Variants in POLD3 observed in about 807,000 individuals in gnomAD.
POLD3 encodes the protein DNA polymerase delta subunit 3.
A neutral mutation model predicts 58.2 loss-of-function variants in POLD3; 19 were observed. The observed-to-expected ratio is 0.33, with a 90% CI of 0.23 to 0.48. POLD3 has a LOEUF of 0.48. POLD3 is among the 20% of genes least tolerant of loss of function. POLD3 has a pLI of 0.99. For synonymous variants in POLD3, 172 were observed against 193.5 expected (o/e 0.89, Z 0.92); for missense variants, 504 against 545.5 (o/e 0.92, Z 0.76).
intron 8 of POLD3, among the ~76,000 whole-genome samples, chr11:74,625,982 A>G (rs1198778581): frequency 6.6e-6 from 1 of 151,730 alleles, no homozygotes; most frequent in Non-Finnish European, 1.5e-5. Context: ...TTTTCTTTTT[A>G]TATCAATGAG....
chr11:74,635,841 A>C (rs1162856492), intron 10 of POLD3, among the ~76,000 whole-genome samples: 1 of 152,192 alleles, frequency 6.6e-6, no homozygotes. Flanking sequence ...ACTGTATTGC[A>C]GTGGTCTGCT....
At chr11:74,649,643 T>A (rs2135192523) in intron 4 of POLD3, among the ~76,000 whole-genome samples, 1 of 152,308 alleles carries the variant, frequency 6.6e-6, no homozygotes, top group African/African-American at 2.4e-5. Context: ...CTTAGAATTG[T>A]GCATAGTTCA....
intron 4 of POLD3, among the ~76,000 whole-genome samples, chr11:74,662,841 A>G (rs1208501044): frequency 6.6e-6 from 1 of 152,150 alleles, no homozygotes; most frequent in African/African-American, 2.4e-5. Flanking sequence ...AGGCTTCCCT[A>G]AACTCAGGTT....
chr11:74,627,533 A>G (rs78774289), intron 8 of POLD3, among the ~76,000 whole-genome samples: 1,675 of 152,286 alleles, frequency 0.011, 7 homozygotes, highest in Middle Eastern at 0.034. Flanking sequence ...ACAGTAGTGT[A>G]CAGTAACATC....
chr11:74,617,127 A>C (rs1334009998), intron 5 of POLD3, among the ~76,000 whole-genome samples: 1 of 148,380 alleles, frequency 6.7e-6, no homozygotes, highest in African/African-American at 2.5e-5. Flanking sequence ...ACTTTGCTTT[A>C]AGTACAATCC....
At chr11:74,654,641 G>T (rs2033110347) in intron 4 of POLD3, among the ~76,000 whole-genome samples, 1 of 152,122 alleles carries the variant, frequency 6.6e-6, no homozygotes, top group Non-Finnish European at 1.5e-5. Context: ...TTTTAACCTG[G>T]GGCTGCTTCC....
chr11:74,593,623 A>G (rs1403049969), intron 1 of POLD3, among the ~76,000 whole-genome samples: 1 of 152,146 alleles, frequency 6.6e-6, no homozygotes, highest in Non-Finnish European at 1.5e-5. Context: ...TGACCCCTGC[A>G]CCACCTGTGC....
At chr11:74,652,591 A>C (rs575260835) in intron 4 of POLD3, 1 of 152,384 alleles carries the variant, frequency 6.6e-6, no homozygotes, top group East Asian at 1.9e-4. Context: ...GATAGTGCCC[A>C]AAGGAGGCAG....
Position 74,642,867 on chromosome 11 carries a change from G to A in POLD3, c.*2101G>A, listed in dbSNP as rs1488288017. ...CATACCCACAGTCTGAGATGAACAA[G>A]TTATTTGCTGCCTTCATCGTTTTTT... On this transcript the variant is annotated 3_prime_UTR_variant, in exon 12 of 12. Transcript: ENST00000263681. 1 of 985,014 alleles carries A rather than the reference G, an allele frequency of 1.0e-6. No homozygotes were observed. The highest frequency in any genetic ancestry group is 1.1e-4 in the East Asian group (1 of 8,818). 61.0% of individuals were successfully genotyped at this position (985,014 alleles called of 1,614,324 possible). A position where few individuals can be genotyped will look rare whatever the true frequency, so the allele number is the denominator to read the frequency against.
chr11:74,597,373 T>C (rs562933194), intron 2 of POLD3, among the ~76,000 whole-genome samples: 5 of 152,248 alleles, frequency 3.3e-5, no homozygotes, highest in Non-Finnish European at 7.3e-5. Flanking sequence ...TTTGCACTTA[T>C]ATTTAATTCT....
chr11:74,649,611 T>C (rs1253815155), intron 4 of POLD3, among the ~76,000 whole-genome samples: 1 of 152,204 alleles, frequency 6.6e-6, no homozygotes, highest in Admixed American at 6.5e-5. Flanking sequence ...CTGAAGCTCC[T>C]GCATGAAACC....
rs1232964446 is a variant in POLD3 at position 74,668,857 on chromosome 11, G to T, written c.*1G>T. On this transcript the variant is annotated 3_prime_UTR_variant, in exon 5 of 5. Coordinates refer to the POLD3 transcript ENST00000524752. Reference sequence around the variant, plus strand: ...GCCCATCCAGCGGTTGGAGAGGTAGGGTAGGATCTGAAGATCTCAAGCCTC... The same window carrying T: ...GCCCATCCAGCGGTTGGAGAGGTAGTGTAGGATCTGAAGATCTCAAGCCTC... 8 of 1,170,390 alleles carry T rather than the reference G, an allele frequency of 6.8e-6. No individual in the cohort carries two copies. The East Asian group carries it at 4.6e-4, about 67-fold the overall frequency. The allele number at this position is 1,170,390 out of a possible 1,614,324, so 72.5% of individuals were successfully genotyped here.
At chr11:74,643,925 T>A (rs905898157), downstream of POLD3, among the ~76,000 whole-genome samples, 1 of 152,232 alleles carries the variant, frequency 6.6e-6, no homozygotes, top group African/African-American at 2.4e-5. Flanking sequence ...ATTCTGGCAG[T>A]CAGCATAGAC....
intron 4 of POLD3, among the ~76,000 whole-genome samples, chr11:74,667,855 A>G (rs7109940): frequency 0.4 from 60,613 of 152,204 alleles, 13,724 homozygotes; most frequent in Non-Finnish European, 0.51. Flanking sequence ...TATAAAGAAC[A>G]TTTAAAACTC....
intron 1 of POLD3, chr11:74,593,071 G>A: frequency 9.3e-7 from 1 of 1,080,612 alleles, no homozygotes. Flanking sequence ...GTTTACAGTT[G>A]AGGAAATCGT....
At chr11:74,635,225 T>A (rs1449067929) in intron 10 of POLD3, among the ~76,000 whole-genome samples, 2 of 152,194 alleles carry the variant, frequency 1.3e-5, no homozygotes, top group African/African-American at 4.8e-5. Context: ...TTTTTTTCCT[T>A]TGTGGCTGTT....
At chr11:74,604,991 C>A (rs184865126) in intron 3 of POLD3, among the ~76,000 whole-genome samples, 197 bp downstream of exon 3, 12 of 152,260 alleles carry the variant, frequency 7.9e-5, no homozygotes, top group African/African-American at 2.9e-4. Context: ...GGCTGTGATG[C>A]AGAGACTGTA....
In POLD3 at chr11:74,636,232, C is replaced by G. The variant is rs1049213237; in HGVS notation, c.1155C>G (p.Arg385=). 1 of 1,609,978 alleles carries G rather than the reference C, an allele frequency of 6.2e-7. No individual in the cohort carries two copies. The highest frequency in any genetic ancestry group is 8.5e-7 in the Non-Finnish European group (1 of 1,176,298). ...GAGAAAACAAAAGAAAACGAAAACG[C>G]GTACTAAAATCTAAAACTTACCTGG... is the stretch of plus-strand genomic sequence containing the variant. The part of the protein sequence containing the change: ...SSGENKRKRK[R]VLKSKTYLDG... The change falls in exon 11 of 12, where the codon CGC becomes CGG. Residue 385 remains arginine (R), a synonymous_variant. Coordinates refer to ENST00000263681, the MANE Select transcript of POLD3 (RefSeq NM_006591.3).
At chr11:74,596,269 C>T (rs1261218372) in intron 2 of POLD3, among the ~76,000 whole-genome samples, 1 of 151,352 alleles carries the variant, frequency 6.6e-6, no homozygotes, top group African/African-American at 2.4e-5. Flanking sequence ...CTGCAACCTC[C>T]GCCTCCCTGG....
Sources: gnomAD v4.1 joint callset for allele counts (sites outside exome capture counted in the v4.1 genomes callset) on GRCh38, gnomAD v4.1.1 for gene constraint, MANE v1.5 for transcripts, NCBI Gene and HGNC (gene_info 2026-07-23, HGNC 2026-07-21) for gene names.